Variants in ZNF141 observed in about 807,000 individuals in gnomAD.
The protein encoded by ZNF141 is zinc finger protein 141.
Under a neutral mutation model 11.3 loss-of-function variants are expected in ZNF141, and 7 were observed. The ratio of observed to expected loss-of-function variants is 0.62; its 90% CI spans 0.35 to 1.16. The LOEUF is 1.16. ZNF141 is among the 50% of genes most tolerant of loss of function. The pLI is 0.02. For synonymous variants in ZNF141, 183 were observed against 190.7 expected, an observed-to-expected ratio of 0.96 and a Z score of 0.33; for missense variants, 535 against 554.0, an observed-to-expected ratio of 0.97 and a Z score of 0.34.
intron 3 of ZNF141, 31 bp downstream of exon 3, chr4:344,461 A>C (rs1721220714): frequency 6.3e-7 from 1 of 1,578,428 alleles, no homozygotes; most frequent in African/African-American, 1.4e-5. Context: ...GAGAGGGCAC[A>C]GGCAAGGGGA....
In ZNF141 at chr4:344,401, A is replaced by C. The variant is rs782736124; in HGVS notation, c.197A>C (p.Lys66Thr). 1.2e-6 allele frequency: 2 copies of C among 1,607,392 alleles called. No individual in the cohort carries two copies. The highest frequency in any genetic ancestry group is 2.2e-5 in the East Asian group (1 of 44,662). ...LEQRKEPYNV[K>T]IHKIVARPPA... ...CAAAGAAAAGAGCCCTACAATGTGA[A>C]GATACATAAGATCGTAGCCAGACCC... The change falls in exon 3 of 4, where the codon AAG becomes ACG. Residue 66 changes from lysine (K) to threonine (T), a missense_variant. Transcript: ENST00000240499.
chr4:340,716 C>G (rs1721006291), intron 1 of ZNF141, among the ~76,000 whole-genome samples: 1 of 152,212 alleles, frequency 6.6e-6, no homozygotes, highest in Admixed American at 6.5e-5. Flanking sequence ...CCGTTCCCCT[C>G]TTTGAACTGT....
chr4:374,912 G>T lies in ZNF141; in HGVS notation c.*1050G>T, dbSNP rs1195989124. On this transcript the variant is annotated 3_prime_UTR_variant, in exon 4 of 4. Transcript: ENST00000240499. ...CACTCAATCTATTCTAAATATAAGA[G>T]AAATGATATTGGTGAGAAGCCACAA... 5.9e-5 allele frequency: 9 copies of T among 152,176 alleles called. No individual in the cohort carries two copies. The highest frequency in any genetic ancestry group is 2.2e-4 in the African/African-American group (9 of 41,538). 9.4% of individuals were successfully genotyped at this position (152,176 alleles called of 1,614,324 possible).
At chr4:369,895 T>C (rs1553853358) in intron 3 of ZNF141, among the ~76,000 whole-genome samples, 1 of 150,184 alleles carries the variant, frequency 6.7e-6, no homozygotes, top group Non-Finnish European at 1.5e-5. Flanking sequence ...GCCTCCTGAG[T>C]AGCTGGGACT....
intron 3 of ZNF141, among the ~76,000 whole-genome samples, chr4:357,215 A>G (rs1163040167): frequency 2.0e-5 from 3 of 152,094 alleles, no homozygotes; most frequent in South Asian, 2.1e-4. Context: ...TGACCTCCCA[A>G]TGTACTAGGA....
At chr4:338,800 G>A (rs998165477) in intron 1 of ZNF141, among the ~76,000 whole-genome samples, 16 of 152,178 alleles carry the variant, frequency 1.1e-4, no homozygotes, top group African/African-American at 3.9e-4. Context: ...GTGAGTTGTT[G>A]GACAGCCCGT....
In ZNF141 at chr4:360,113, C is replaced by G. The variant is rs60054816; in HGVS notation, c.227-12551C>G. On this transcript the variant is annotated intron_variant, in intron 3 of 3. Coordinates refer to ENST00000240499, the MANE Select transcript of ZNF141 (RefSeq NM_003441.4). Reference sequence around the variant, plus strand: ...CAAGGGCACACCCTCTCAATACAGCCCTCCTCAGTCTTCGGTTCGCAGTCT... The same window carrying G: ...CAAGGGCACACCCTCTCAATACAGCGCTCCTCAGTCTTCGGTTCGCAGTCT... 3.6e-3 allele frequency among the ~76,000 whole-genome samples: 552 copies of G among 152,288 alleles called. 2 individuals are homozygous for G. Among genetic ancestry groups the G allele is most frequent in the African/African-American group, 0.013 (545 of 41,570 alleles).
chr4:349,981 T>A (rs1553850172), intron 3 of ZNF141, among the ~76,000 whole-genome samples: 1 of 142,178 alleles, frequency 7.0e-6, no homozygotes, highest in East Asian at 2.0e-4. Context: ...ACTGTGACTG[T>A]GAGGGCTAGA....
intron 1 of ZNF141, among the ~76,000 whole-genome samples, chr4:343,379 C>A (rs1553848810): frequency 6.6e-6 from 1 of 152,168 alleles, no homozygotes; most frequent in East Asian, 1.9e-4. Flanking sequence ...CCCAGTCAGT[C>A]ACATGTCAGA....
intron 3 of ZNF141, among the ~76,000 whole-genome samples, chr4:356,798 T>G (rs1369325364): frequency 1.3e-5 from 2 of 152,206 alleles, no homozygotes; most frequent in African/African-American, 4.8e-5. Context: ...GTGGTTTCTG[T>G]TTTTTAATTC....
chr4:353,188 C>G (rs1182989817), intron 3 of ZNF141, among the ~76,000 whole-genome samples: 2 of 152,060 alleles, frequency 1.3e-5, no homozygotes, highest in Non-Finnish European at 2.9e-5. Context: ...GCCTGGGCAA[C>G]CTGGTGAAAT....
At chr4:351,518 C>T (rs1381631900) in intron 3 of ZNF141, among the ~76,000 whole-genome samples, 7 of 152,164 alleles carry the variant, frequency 4.6e-5, no homozygotes, top group African/African-American at 1.7e-4. Flanking sequence ...GCAACCATGC[C>T]TGGCCGGAGA....
chr4:346,074 A>G (rs557409399), intron 3 of ZNF141, among the ~76,000 whole-genome samples: 2 of 152,350 alleles, frequency 1.3e-5, no homozygotes, highest in South Asian at 2.1e-4. Context: ...ACACACCTAT[A>G]TAACTTATTT....
rs1553849669 is a variant in ZNF141 at position 346,894 on chromosome 4, C to CACA, written c.226+2464_226+2465insACA. On this transcript the variant is annotated intron_variant, in intron 3 of 3. Transcript: ENST00000240499. The stretch of plus-strand genomic sequence containing the variant: ...ATATATGTATACACACACACACACA[C>CACA]CGCCCCCCCCATATATTGGCTACTG... Among the ~76,000 whole-genome samples, 153 of 81,446 alleles carry CACA rather than the reference C, an allele frequency of 1.9e-3. 3 individuals are homozygous for CACA. Among genetic ancestry groups the CACA allele is most frequent in the South Asian group, 4.4e-3 (12 of 2,746 alleles). 53.4% of individuals were successfully genotyped at this position (81,446 alleles called of 152,430 possible). A position where few individuals can be genotyped will look rare whatever the true frequency, so the allele number is the denominator to read the frequency against.
At chr4:343,990 TTA>T in intron 2 of ZNF141, 82 bp downstream of exon 2, 2 of 1,534,504 alleles carry the variant, frequency 1.3e-6, no homozygotes, top group Non-Finnish European at 1.7e-6. Flanking sequence ...CTGGGAACTT[TTA>T]TGTTTTATCT....
At chr4:353,735 T>C (rs1721716876) in intron 3 of ZNF141, among the ~76,000 whole-genome samples, 1 of 152,096 alleles carries the variant, frequency 6.6e-6, no homozygotes, top group Non-Finnish European at 1.5e-5. Flanking sequence ...ATGCTAGGAT[T>C]ACAAGCATGA....
At chr4:361,887 A>G (rs1410220657) in intron 3 of ZNF141, among the ~76,000 whole-genome samples, 1 of 152,216 alleles carries the variant, frequency 6.6e-6, no homozygotes, top group African/African-American at 2.4e-5. Context: ...CTTTGGGTAT[A>G]TACCCATTAA....
rs1026749785 is a variant in ZNF141 at position 381,809 on chromosome 4, A to G, written c.*7947A>G. On this transcript the variant is annotated 3_prime_UTR_variant, in exon 4 of 4. Transcript: ENST00000240499. ...TATTAAATATGGGTCACAGATTTTT[A>G]CCCTAGTCCAGCCTATCCACCTACC... is the stretch of plus-strand genomic sequence containing the variant. Among the ~76,000 whole-genome samples, 14 of 152,106 alleles carry G rather than the reference A, an allele frequency of 9.2e-5. No individual in the cohort carries two copies. Among genetic ancestry groups the G allele is most frequent in the Middle Eastern group, 3.4e-3 (1 of 292 alleles).
chr4:344,725 C>T lies in ZNF141; in HGVS notation c.226+295C>T, dbSNP rs554471746. On this transcript the variant is annotated intron_variant, in intron 3 of 3. Coordinates refer to ENST00000240499, the MANE Select transcript of ZNF141 (RefSeq NM_003441.4). ...AGGAGAATCACTTGAACCCAGGAGGCGGAGGTTGCAGTGAGCCAAGATCAC... is the reference window on the plus strand; with the variant it reads ...AGGAGAATCACTTGAACCCAGGAGGTGGAGGTTGCAGTGAGCCAAGATCAC... Among the ~76,000 whole-genome samples, 15 of 152,210 alleles carry T rather than the reference C, an allele frequency of 9.9e-5. No homozygotes were observed. The South Asian group carries it at 1.5e-3, about 15-fold the overall frequency.
Sources: allele counts gnomAD v4.1 joint callset (sites outside exome capture counted in the v4.1 genomes callset), GRCh38; gene constraint gnomAD v4.1.1; transcripts MANE v1.5; gene names NCBI Gene and HGNC (gene_info 2026-07-23, HGNC 2026-07-21).